ZNF140: variants seen among roughly 807,000 people sequenced by gnomAD.
The protein encoded by ZNF140 is zinc finger protein 140 (clone pHZ-39).
In ZNF140, 13 loss-of-function variants were observed where a neutral mutation model predicts 12.9. The ratio of observed to expected loss-of-function variants is 1.01; its 90% confidence interval spans 0.66 to 1.60. The LOEUF (loss-of-function observed/expected upper bound fraction) is 1.60, where lower values mean the gene tolerates loss of function less well. Among genes scored for constraint, ZNF140 ranks in the 40% most tolerant of loss-of-function variants. The pLI, the probability that ZNF140 is intolerant of heterozygous loss-of-function variation, is 0.00. For synonymous variants in ZNF140, 214 were observed against 186.7 expected (o/e 1.15, Z -1.19); for missense variants, 531 against 548.8 (o/e 0.97, Z 0.32).
chr12:133,099,847 A>T (rs981393349), intron 4 of ZNF140, among the ~76,000 whole-genome samples: 2 of 152,078 alleles, frequency 1.3e-5, no homozygotes, highest in Non-Finnish European at 2.9e-5. Flanking sequence ...CAAATTCCTT[A>T]AAAAAACTTT....
At chr12:133,092,815 GTC>G (rs1954938616) in intron 4 of ZNF140, among the ~76,000 whole-genome samples, 4 of 151,192 alleles carry the variant, frequency 2.6e-5, no homozygotes, top group Non-Finnish European at 5.9e-5. Flanking sequence ...GAGGGGCCCA[GTC>G]TATAATAGTT....
chr12:133,080,723 C>T (rs1452315649), upstream of ZNF140: 3 of 152,450 alleles, frequency 2.0e-5, no homozygotes, highest in Admixed American at 6.5e-5. Flanking sequence ...CGTTCTTTGT[C>T]TCCTGGCGTT....
chr12:133,090,618 A>T (rs753457553), intron 4 of ZNF140, among the ~76,000 whole-genome samples: 136 of 149,528 alleles, frequency 9.1e-4, no homozygotes, highest in Non-Finnish European at 1.3e-3. Flanking sequence ...GAAGACACAG[A>T]GACAAAGTAT....
chr12:133,081,345 A>C lies in ZNF140; in HGVS notation c.9+16A>C. ...TATGTCTCAGGTAAGCTAATGATTG[A>C]TAAATATATATATATATATATATAT... On this transcript the variant is annotated intron_variant, in intron 2 of 4. Coordinates refer to ENST00000355557, the MANE Select transcript of ZNF140 (RefSeq NM_003440.4). 1 of 461,070 alleles carries C rather than the reference A, an allele frequency of 2.2e-6. No individual in the cohort carries two copies. Among genetic ancestry groups the C allele is most frequent in the Non-Finnish European group, 3.6e-6 (1 of 277,860 alleles). The allele number at this position is 461,070 out of a possible 1,614,324, so 28.6% of individuals were successfully genotyped here.
rs1448085918 is a variant in ZNF140, at chr12:133,090,775, GAGA to G, written c.232+7217_232+7219del. ...AGTAGGAGAGCAGGGTGATAATAAGGAGAAGGTCAGCAAAAAACATGTGAGCAA... is the reference window on the plus strand; with the variant it reads ...AGTAGGAGAGCAGGGTGATAATAAGGAGGTCAGCAAAAAACATGTGAGCAA... On this transcript the variant is annotated intron_variant, in intron 4 of 4. Transcript: ENST00000355557. 2.1e-5 allele frequency among the ~76,000 whole-genome samples: 3 copies of G among 143,280 alleles called. No homozygotes were observed. The East Asian group carries it at 5.9e-4, about 28-fold the overall frequency. The allele number at this position is 143,280 out of a possible 152,430, so 94.0% of individuals were successfully genotyped here.
chr12:133,104,075 G>A (rs989573590), intron 4 of ZNF140, among the ~76,000 whole-genome samples: 10 of 152,150 alleles, frequency 6.6e-5, no homozygotes, highest in Admixed American at 3.9e-4. Context: ...AGCTTACTGT[G>A]AGAGCAATAA....
Position 133,105,741 on chromosome 12 carries a change from G to C in ZNF140, c.464G>C (p.Ser155Thr), listed in dbSNP as rs1566324563. ...GCCCTGGCTCAACATATGAATATCAGTACTGTGGAGAGGCCCTATGGATGC... is the reference window on the plus strand; with the variant it reads ...GCCCTGGCTCAACATATGAATATCACTACTGTGGAGAGGCCCTATGGATGC... ...QEALAQHMNI[S>T]TVERPYGCHE... Residue 155 changes from serine to threonine, a missense_variant, in exon 5 of 5, where the codon AGT (serine) becomes ACT (threonine). Physicochemically the swap from Ser to Thr is moderately conservative, Grantham distance 58 (BLOSUM62 1). Coordinates refer to ENST00000355557, the MANE Select transcript of ZNF140 (RefSeq NM_003440.4). 1 of 1,614,198 alleles carries C rather than the reference G, an allele frequency of 6.2e-7. No individual in the cohort carries two copies. Among genetic ancestry groups the C allele is most frequent in the Non-Finnish European group, 8.5e-7 (1 of 1,180,044 alleles).
intron 4 of ZNF140, among the ~76,000 whole-genome samples, chr12:133,094,576 C>T (rs967248925): frequency 5.3e-5 from 8 of 151,128 alleles, no homozygotes; most frequent in Admixed American, 2.6e-4. Flanking sequence ...GTGGGTGGAA[C>T]ACATCCTATT....
Position 133,106,841 on chromosome 12 carries a change from A to T in ZNF140, c.*190A>T. On this transcript the variant is annotated 3_prime_UTR_variant, in exon 5 of 5. Coordinates refer to ENST00000355557, the MANE Select transcript of ZNF140 (RefSeq NM_003440.4). ...ATATGTGGAAAAGCCATTAATAACC[A>T]CTCTTTTATTTTTTTGCAATAACAA... The T allele has an allele frequency of 2.2e-6, 1 of 454,788 alleles. No individual in the cohort carries two copies. 28.2% of individuals were successfully genotyped at this position (454,788 alleles called of 1,614,324 possible). A position where few individuals can be genotyped will look rare whatever the true frequency, so the allele number is the denominator to read the frequency against.
chr12:133,105,222 T>G (rs1955546548), intron 4 of ZNF140, among the ~76,000 whole-genome samples: 1 of 152,216 alleles, frequency 6.6e-6, no homozygotes, highest in Non-Finnish European at 1.5e-5. Flanking sequence ...TAAATGGTGG[T>G]GAAGAAGACT....
chr12:133,081,555 T>G (rs1954503411), intron 2 of ZNF140: 1 of 456,040 alleles, frequency 2.2e-6, no homozygotes, highest in Non-Finnish European at 4.4e-6. Flanking sequence ...GCTTTCTTTC[T>G]CCTACAACCA....
intron 4 of ZNF140, among the ~76,000 whole-genome samples, chr12:133,091,530 C>G (rs1261248121): frequency 2.0e-5 from 3 of 150,722 alleles, no homozygotes; most frequent in Non-Finnish European, 3.0e-5. Flanking sequence ...TCTGATCTCT[C>G]TTTCTTTTCC....
intron 4 of ZNF140, among the ~76,000 whole-genome samples, chr12:133,104,915 C>T (rs1311982354): frequency 6.6e-6 from 1 of 151,988 alleles, no homozygotes; most frequent in Non-Finnish European, 1.5e-5. Context: ...AGCATAATGC[C>T]CAATAGTCAG....
chr12:133,089,019 T>C (rs1954770092), intron 4 of ZNF140, among the ~76,000 whole-genome samples: 1 of 152,104 alleles, frequency 6.6e-6, no homozygotes, highest in Non-Finnish European at 1.5e-5. Flanking sequence ...GGCCTGTCAT[T>C]TTCTTTTCTT....
At chr12:133,104,035 A>C (rs1182533894) in intron 4 of ZNF140, among the ~76,000 whole-genome samples, 1 of 152,254 alleles carries the variant, frequency 6.6e-6, no homozygotes, top group African/African-American at 2.4e-5. Flanking sequence ...ATATTTCATC[A>C]AAGAAACAGT....
rs974946023 is a variant in ZNF140, at chr12:133,091,749, A to C, written c.232+8188A>C. Among the ~76,000 whole-genome samples, 66 of 151,182 alleles carry C rather than the reference A, an allele frequency of 4.4e-4. 3 individuals are homozygous for C. The highest frequency in any genetic ancestry group is 1.5e-3 in the African/African-American group (63 of 40,862). ...GGTTAAGATTTGTGAGGCTATCAACAGCTTTTACCATTGTCTCAGTTTCTG... is the reference window on the plus strand; with the variant it reads ...GGTTAAGATTTGTGAGGCTATCAACCGCTTTTACCATTGTCTCAGTTTCTG... On this transcript the variant is annotated intron_variant, in intron 4 of 4. Coordinates refer to ENST00000355557, the MANE Select transcript of ZNF140 (RefSeq NM_003440.4).
intron 4 of ZNF140, among the ~76,000 whole-genome samples, chr12:133,090,606 A>G (rs1954822742): frequency 1.3e-5 from 2 of 151,692 alleles, no homozygotes; most frequent in African/African-American, 4.8e-5. Flanking sequence ...TGAGAAAAGA[A>G]AGAAGACACA....
At position 133,091,070 on chromosome 12, in the gene ZNF140, A is replaced by T. The variant is rs145430219; in HGVS notation, c.232+7509A>T. ...GGCCTTCCTCTATCTCAACTGCAAG[A>T]GGCTTTCCTCTTTTACTCATCCATC... On this transcript the variant is annotated intron_variant, in intron 4 of 4. Coordinates refer to ENST00000355557, the MANE Select transcript of ZNF140 (RefSeq NM_003440.4). Among the ~76,000 whole-genome samples, 80 of 149,218 alleles carry T rather than the reference A, an allele frequency of 5.4e-4. 5 individuals carry two copies. The highest frequency in any genetic ancestry group is 9.1e-4 in the Non-Finnish European group (61 of 67,036).
chr12:133,101,181 T>C, intron 4 of ZNF140: 1 of 248,062 alleles, frequency 4.0e-6, no homozygotes, highest in East Asian at 1.1e-4. Context: ...GTGTTCTCTG[T>C]GTTTCCTCCA....
Sources: gnomAD v4.1 joint callset for allele counts (sites outside exome capture counted in the v4.1 genomes callset) on GRCh38, gnomAD v4.1.1 for gene constraint, MANE v1.5 for transcripts, NCBI Gene and HGNC (gene_info 2026-07-23, HGNC 2026-07-21) for gene names.